The following DDX10 variants were observed in gnomAD, a reference collection of about 807,000 sequenced individuals.
The protein encoded by DDX10 is probable ATP-dependent RNA helicase DDX10.
A neutral mutation model predicts 104.3 loss-of-function variants in DDX10; 74 were observed. The ratio of observed to expected loss-of-function variants is 0.71; its 90% confidence interval spans 0.59 to 0.86. The LOEUF (loss-of-function observed/expected upper bound fraction) is 0.86, where lower values mean the gene tolerates loss of function less well. DDX10 is among the 40% of genes least tolerant of loss of function. DDX10 has a pLI of 0.00. For missense variants in DDX10, 952 were observed against 1,040.0 expected (o/e 0.92, Z 1.16); for synonymous variants, 351 against 353.4 (o/e 0.99, Z 0.08).
chr11:108,733,342 T>C (rs1395243892), intron 13 of DDX10, among the ~76,000 whole-genome samples: 1 of 152,180 alleles, frequency 6.6e-6, no homozygotes, highest in African/African-American at 2.4e-5. Flanking sequence ...ACCTAACGGA[T>C]GCCAGGGACT....
chr11:108,933,424 G>A (rs1452745816), intron 17 of DDX10, among the ~76,000 whole-genome samples: 1 of 152,154 alleles, frequency 6.6e-6, no homozygotes, highest in African/African-American at 2.4e-5. Flanking sequence ...TCAAAAGAGA[G>A]TATCTTTGTC....
intron 13 of DDX10, among the ~76,000 whole-genome samples, chr11:108,757,435 CAT>C (rs1453312284): frequency 2.6e-5 from 4 of 151,976 alleles, no homozygotes; most frequent in African/African-American, 9.7e-5. Flanking sequence ...GTTGTGTGCA[CAT>C]GTCACACTTC....
chr11:108,679,423 T>G lies in DDX10; in HGVS notation c.711T>G (p.Asn237Lys). The G allele has an allele frequency of 6.2e-7, 1 of 1,612,328 alleles. No individual in the cohort carries two copies. The highest frequency in any genetic ancestry group is 1.1e-5 in the South Asian group (1 of 90,730). Residue 237 changes from asparagine to lysine, a missense_variant, in exon 6 of 18, where the codon AAT becomes AAG. Asn to Lys is a moderately conservative substitution (Grantham distance 94, BLOSUM62 0). This residue lies in a region of DDX10 where 412 missense variants were observed against 479.2 expected (regional missense o/e 0.86). Coordinates refer to ENST00000322536, the MANE Select transcript of DDX10 (RefSeq NM_004398.4). ...ILDMGFADTM[N>K]AVIENLPKKR... ...ATATGGGCTTTGCTGATACCATGAATGCTGTTATTGAAAATCTCCCCAAGA... is the reference window on the plus strand; with the variant it reads ...ATATGGGCTTTGCTGATACCATGAAGGCTGTTATTGAAAATCTCCCCAAGA...
chr11:108,807,241 G>T (rs760922039), intron 13 of DDX10, among the ~76,000 whole-genome samples: 2 of 152,174 alleles, frequency 1.3e-5, no homozygotes, highest in Non-Finnish European at 2.9e-5. Context: ...GAGTTTAGTG[G>T]AAGTCATTGA....
In DDX10 at chr11:108,795,126, G is replaced by A. The variant is rs558564188; in HGVS notation, c.1966-43320G>A. Among the ~76,000 whole-genome samples, 3 of 152,114 alleles carry A rather than the reference G, an allele frequency of 2.0e-5. No individual in the cohort carries two copies. In the East Asian group the frequency reaches 5.8e-4, roughly 29 times the overall value. On this transcript the variant is annotated intron_variant, in intron 13 of 17. Coordinates refer to ENST00000322536, the MANE Select transcript of DDX10 (RefSeq NM_004398.4). Reference sequence around the variant, plus strand: ...TTACAGGTGTGAGCCACCACACCTGGCCTAGTTTTCTCTTTTTTTATAATG... The same window carrying A: ...TTACAGGTGTGAGCCACCACACCTGACCTAGTTTTCTCTTTTTTTATAATG...
At chr11:108,905,505 A>G (rs566160217) in intron 16 of DDX10, among the ~76,000 whole-genome samples, 131 of 152,072 alleles carry the variant, frequency 8.6e-4, no homozygotes, top group African/African-American at 2.8e-3. Context: ...GTTCACTTCT[A>G]TGGGTTTTGA....
At chr11:108,752,335 C>T in intron 13 of DDX10, among the ~76,000 whole-genome samples, 1 of 152,112 alleles carries the variant, frequency 6.6e-6, no homozygotes, top group East Asian at 1.9e-4. Context: ...GTGCATCTGT[C>T]AGTGTATGCA....
chr11:108,711,731 G>T (rs145532000), intron 10 of DDX10, among the ~76,000 whole-genome samples: 109 of 152,324 alleles, frequency 7.2e-4, no homozygotes, highest in African/African-American at 2.5e-3. Flanking sequence ...GGCCCAGAAT[G>T]TGTTTTATTT....
At chr11:108,828,376 C>T (rs1201229196) in intron 13 of DDX10, among the ~76,000 whole-genome samples, 1 of 152,146 alleles carries the variant, frequency 6.6e-6, no homozygotes, top group Non-Finnish European at 1.5e-5. Flanking sequence ...TAAGTTAGCT[C>T]TCACATATGA....
chr11:108,915,818 C>T, intron 16 of DDX10, among the ~76,000 whole-genome samples: 1 of 151,926 alleles, frequency 6.6e-6, no homozygotes, highest in East Asian at 1.9e-4. Flanking sequence ...TCCCAAATAC[C>T]TATCTGTGAG....
At chr11:108,916,698 T>G (rs558211210) in intron 16 of DDX10, among the ~76,000 whole-genome samples, 1 of 152,228 alleles carries the variant, frequency 6.6e-6, no homozygotes, top group Admixed American at 6.5e-5. Context: ...GTCCCACTTA[T>G]AATTTTCTGT....
At position 108,679,697 on chromosome 11, in the gene DDX10, A is replaced by C. The variant is rs111924446; in HGVS notation, c.848+137A>C. 4.1e-3 allele frequency: 2,443 copies of C among 594,028 alleles called. 53 individuals are homozygous for C. The African/African-American group carries it at 0.042, about 10-fold the overall frequency. The allele number at this position is 594,028 out of a possible 1,614,324, so 36.8% of individuals were successfully genotyped here. The stretch of plus-strand genomic sequence containing the variant: ...TTATGCAAAGCATAGTAAATATACC[A>C]GTTAAAATTACCCAAATTCTGCATA... On this transcript the variant is annotated intron_variant, in intron 6 of 17. Transcript: ENST00000322536.
In DDX10 at chr11:108,742,742, C is replaced by T. The variant is rs192935086; in HGVS notation, c.1965+19280C>T. 5.7e-4 allele frequency among the ~76,000 whole-genome samples: 87 copies of T among 152,252 alleles called. 1 individual carries two copies. Among genetic ancestry groups the T allele is most frequent in the Admixed American group, 2.9e-3 (44 of 15,304 alleles). On this transcript the variant is annotated intron_variant, in intron 13 of 17. Coordinates refer to ENST00000322536, the MANE Select transcript of DDX10 (RefSeq NM_004398.4). ...TGACCCTACAGAGATACAAAAAACCCTTAGACTGTTATGTACACCTCTATG... is the reference window on the plus strand; with the variant it reads ...TGACCCTACAGAGATACAAAAAACCTTTAGACTGTTATGTACACCTCTATG...
Position 108,855,722 on chromosome 11 carries a change from G to A in DDX10, c.2304+3513G>A, listed in dbSNP as rs111571862. Among the ~76,000 whole-genome samples the A allele has an allele frequency of 5.5e-3, 839 of 152,228 alleles. 13 individuals are homozygous for A. The highest frequency in any genetic ancestry group is 5.6e-3 in the Non-Finnish European group (384 of 68,006). On this transcript the variant is annotated intron_variant, in intron 16 of 17. Transcript: ENST00000322536. The stretch of plus-strand genomic sequence containing the variant: ...GATCCACCCTCCTCGGCCTCCCAAA[G>A]TGCTGGGATTATGGATGTGAGCCAC...
intron 9 of DDX10, 63 bp from the exon 10 acceptor site, chr11:108,706,674 ACT>A (rs2094276592): frequency 8.0e-7 from 1 of 1,247,782 alleles, no homozygotes; most frequent in East Asian, 2.3e-5. Context: ...CCTATGCATC[ACT>A]CTGTTAAAAT....
intron 13 of DDX10, among the ~76,000 whole-genome samples, chr11:108,791,417 A>G (rs1244929350): frequency 1.3e-5 from 2 of 152,204 alleles, no homozygotes; most frequent in African/African-American, 2.4e-5. Context: ...CAAAGTGATT[A>G]TTTGTATTCA....
intron 16 of DDX10, among the ~76,000 whole-genome samples, chr11:108,879,517 A>G (rs1245970038): frequency 1.3e-5 from 2 of 152,188 alleles, no homozygotes; most frequent in Non-Finnish European, 2.9e-5. Flanking sequence ...ATAAAATATA[A>G]TGGATAAGAT....
chr11:108,838,528 A>G lies in DDX10; in HGVS notation c.2048A>G (p.Lys683Arg), dbSNP rs1251246635. Residue 683 changes from lysine to arginine, a missense_variant, in exon 14 of 18, where the codon AAA becomes AGA. By Grantham distance (26) the Lys-to-Arg change is conservative. Coordinates refer to ENST00000322536, the MANE Select transcript of DDX10 (RefSeq NM_004398.4). Reference protein sequence around the residue: ...EAKKVMKRNFKVNKKITFTDE... With the variant: ...EAKKVMKRNFRVNKKITFTDE... ...AAAAAAGTAATGAAGAGAAATTTTAAAGTGAATAAGAAGATAACATTTACT... is the reference window on the plus strand; with the variant it reads ...AAAAAAGTAATGAAGAGAAATTTTAGAGTGAATAAGAAGATAACATTTACT... The G allele has an allele frequency of 1.2e-6, 2 of 1,612,280 alleles. No individual in the cohort carries two copies. The highest frequency in any genetic ancestry group is 3.3e-5 in the Admixed American group (2 of 59,844).
intron 13 of DDX10, among the ~76,000 whole-genome samples, chr11:108,788,609 C>G (rs942520641): frequency 6.6e-6 from 1 of 152,220 alleles, no homozygotes; most frequent in South Asian, 2.1e-4. Flanking sequence ...GTGATCCCCC[C>G]ACCTTGGTCT....
Sources: allele counts gnomAD v4.1 joint callset (sites outside exome capture counted in the v4.1 genomes callset), GRCh38; gene constraint gnomAD v4.1.1; regional missense constraint gnomAD v4.1.1; transcripts MANE v1.5; gene names NCBI Gene and HGNC (gene_info 2026-07-23, HGNC 2026-07-21).